The following BBS9 variants were observed in gnomAD, a reference collection of about 807,000 sequenced individuals.
The protein encoded by BBS9 is protein PTHB1.
Under a neutral mutation model 117.7 loss-of-function variants are expected in BBS9, and 89 were observed. That is an observed-to-expected ratio of 0.76 (90% CI 0.64 to 0.90). BBS9 has a LOEUF of 0.90. Ranked by LOEUF, BBS9 falls within the 40% of genes least tolerant of loss-of-function variation. The pLI is 0.00. For synonymous variants in BBS9, 379 were observed against 370.9 expected (o/e 1.02, Z -0.25); for missense variants, 982 against 1,042.2 (o/e 0.94, Z 0.80).
rs116681365 is a variant in BBS9, at chr7:33,527,770, C to T, written c.2299-6184C>T. ...TTTCTATTTGGCCATCTTGGCTCCT[C>T]CTCTCGGGCTGTTTTATTTTTCAAA... On this transcript the variant is annotated intron_variant, in intron 20 of 22. Transcript: ENST00000242067. Among the ~76,000 whole-genome samples the T allele has an allele frequency of 4.8e-3, 738 of 152,308 alleles. 5 individuals are homozygous for T. The highest frequency in any genetic ancestry group is 0.017 in the African/African-American group (701 of 41,562).
intron 9 of BBS9, among the ~76,000 whole-genome samples, chr7:33,286,934 A>C (rs1803015439): frequency 6.6e-6 from 1 of 152,126 alleles, no homozygotes; most frequent in South Asian, 2.1e-4. Context: ...ATAAAAGGGA[A>C]ATGGGAAAAA....
chr7:33,562,522 G>A (rs1056453987), intron 21 of BBS9, among the ~76,000 whole-genome samples: 14 of 152,172 alleles, frequency 9.2e-5, no homozygotes, highest in African/African-American at 3.1e-4. Flanking sequence ...GGTCAAGGAG[G>A]TGCCTTATTA....
At chr7:33,382,419 C>G (rs1045172783) in intron 17 of BBS9, among the ~76,000 whole-genome samples, 2 of 149,420 alleles carry the variant, frequency 1.3e-5, no homozygotes, top group Admixed American at 1.3e-4. Flanking sequence ...GAGATCATGC[C>G]ACTGCACTCC....
intron 21 of BBS9, among the ~76,000 whole-genome samples, chr7:33,583,602 C>T (rs1585358411): frequency 6.6e-6 from 1 of 152,058 alleles, no homozygotes; most frequent in Non-Finnish European, 1.5e-5. Flanking sequence ...AGGAGATACA[C>T]AAATAAAGAC....
At chr7:33,486,913 A>G (rs546279610) in intron 19 of BBS9, among the ~76,000 whole-genome samples, 1 of 152,360 alleles carries the variant, frequency 6.6e-6, no homozygotes, top group Admixed American at 6.5e-5. Context: ...GTCCTAGCCA[A>G]TAATGTCTTT....
intron 21 of BBS9, among the ~76,000 whole-genome samples, chr7:33,571,386 AAAG>A (rs1161506919): frequency 2.0e-5 from 3 of 152,118 alleles, no homozygotes; most frequent in African/African-American, 4.8e-5. Context: ...AGACAAGAAA[AAAG>A]AAGAAAATGG....
At chr7:33,476,990 A>G (rs577790545) in intron 19 of BBS9, among the ~76,000 whole-genome samples, 67 of 152,322 alleles carry the variant, frequency 4.4e-4, no homozygotes, top group African/African-American at 1.6e-3. Context: ...GGGACCTATT[A>G]TAGCCTAGTG....
At chr7:33,136,444 G>C (rs1295132040) in intron 1 of BBS9, among the ~76,000 whole-genome samples, 1 of 152,178 alleles carries the variant, frequency 6.6e-6, no homozygotes, top group East Asian at 1.9e-4. Flanking sequence ...CTGATCTTAG[G>C]AGGAAAGTGT....
intron 21 of BBS9, among the ~76,000 whole-genome samples, chr7:33,548,425 C>T (rs1853773526): frequency 6.6e-6 from 1 of 151,664 alleles, no homozygotes; most frequent in African/African-American, 2.4e-5. Flanking sequence ...TATACATGTG[C>T]CATGCTGGTG....
intron 18 of BBS9, among the ~76,000 whole-genome samples, chr7:33,385,894 A>G (rs1825916730): frequency 6.6e-6 from 1 of 152,052 alleles, no homozygotes; most frequent in Non-Finnish European, 1.5e-5. Context: ...GCTCAAGGGA[A>G]TATTCTTTGA....
chr7:33,259,402 C>T (rs1797600248), intron 6 of BBS9, among the ~76,000 whole-genome samples: 1 of 152,106 alleles, frequency 6.6e-6, no homozygotes. Flanking sequence ...TCCCCAGTCC[C>T]CTAGATTTCT....
intron 15 of BBS9, among the ~76,000 whole-genome samples, chr7:33,354,424 A>G (rs75162266): frequency 0.011 from 1,667 of 152,256 alleles, 19 homozygotes; most frequent in African/African-American, 0.038. Flanking sequence ...TTTCTGCATT[A>G]AAGTTACATG....
At chr7:33,206,075 T>C in intron 5 of BBS9, among the ~76,000 whole-genome samples, 1 of 152,216 alleles carries the variant, frequency 6.6e-6, no homozygotes, top group Non-Finnish European at 1.5e-5. Context: ...TATTTTGTTG[T>C]TTCATTTTTT....
At chr7:33,254,133 G>A (rs1027345229) in intron 5 of BBS9, among the ~76,000 whole-genome samples, 5 of 152,120 alleles carry the variant, frequency 3.3e-5, no homozygotes, top group African/African-American at 4.8e-5. Flanking sequence ...TGGATTATTT[G>A]ATATGTGTTT....
At chr7:33,564,607 C>CT (rs983257152) in intron 21 of BBS9, among the ~76,000 whole-genome samples, 16 of 152,030 alleles carry the variant, frequency 1.1e-4, no homozygotes, top group African/African-American at 2.4e-4. Flanking sequence ...GTGATTTATT[C>CT]TTTTTTTTGC....
At chr7:33,403,892 C>A (rs1037518844) in intron 19 of BBS9, among the ~76,000 whole-genome samples, 1 of 152,272 alleles carries the variant, frequency 6.6e-6, no homozygotes, top group Admixed American at 6.5e-5. Context: ...AATCGCCACA[C>A]CGACTTCCAC....
intron 21 of BBS9, among the ~76,000 whole-genome samples, chr7:33,611,366 A>G (rs1864845953): frequency 1.3e-5 from 2 of 150,592 alleles, no homozygotes; most frequent in Admixed American, 1.3e-4. Flanking sequence ...GATTAAGCCC[A>G]GACACAAGTC....
intron 4 of BBS9, among the ~76,000 whole-genome samples, chr7:33,162,564 T>G (rs1321505688): frequency 6.6e-6 from 1 of 152,152 alleles, no homozygotes; most frequent in African/African-American, 2.4e-5. Context: ...GTAAGTTGGA[T>G]TCTTAGGTAT....
At chr7:33,381,050 C>T (rs76339959) in intron 17 of BBS9, among the ~76,000 whole-genome samples, 10,322 of 152,202 alleles carry the variant, frequency 0.068, 393 homozygotes, top group African/African-American at 0.08. Flanking sequence ...ATACCAAAGA[C>T]CAGGGGGTTC....
Sources: gnomAD v4.1 joint callset for allele counts (sites outside exome capture counted in the v4.1 genomes callset) on GRCh38, gnomAD v4.1.1 for gene constraint, MANE v1.5 for transcripts, NCBI Gene and HGNC (gene_info 2026-07-23, HGNC 2026-07-21) for gene names.